Variants in STX2 observed in about 807,000 individuals in gnomAD.
The protein encoded by STX2 is syntaxin 2, also known as syntaxin-2.
In STX2, 27 loss-of-function variants were observed where a neutral mutation model predicts 40.6. The observed-to-expected ratio is 0.66, with a 90% CI of 0.49 to 0.92. The LOEUF (loss-of-function observed/expected upper bound fraction) is 0.92. STX2 is among the 40% of genes least tolerant of loss of function. The probability of loss-of-function intolerance (pLI) is 0.00; values close to 1 mark genes in which losing one functional copy is unlikely to be tolerated. For missense variants in STX2, 328 were observed against 366.1 expected, an observed-to-expected ratio of 0.90 and a Z score of 0.85; for synonymous variants, 123 against 119.1, an observed-to-expected ratio of 1.03 and a Z score of -0.22.
At chr12:130,805,606 C>A (rs1258655740) in intron 6 of STX2, among the ~76,000 whole-genome samples, 2 of 152,154 alleles carry the variant, frequency 1.3e-5, no homozygotes, top group South Asian at 2.1e-4. Flanking sequence ...AGGTTCACGG[C>A]CATCAGAGCA....
At chr12:130,811,687 C>T (rs1350950083) in intron 4 of STX2, among the ~76,000 whole-genome samples, 2 of 151,800 alleles carry the variant, frequency 1.3e-5, no homozygotes, top group South Asian at 2.1e-4. Context: ...CTACAGGCAC[C>T]CGCCACTGCG....
chr12:130,827,617 A>G (rs1029483245), intron 1 of STX2, among the ~76,000 whole-genome samples: 2 of 152,264 alleles, frequency 1.3e-5, no homozygotes, highest in African/African-American at 4.8e-5. Context: ...ATTTTCCATA[A>G]ACAGTAAAAA....
chr12:130,789,617 T>C lies in STX2; in HGVS notation c.*2406A>G, dbSNP rs1430967651. ...AAGAGCAATTTTCCTAGTAGAACAA[T>C]TTATTAATTAATATGCAATAAAATA... On this transcript the variant is annotated 3_prime_UTR_variant, in exon 11 of 11. Transcript: ENST00000392373. 1 of 152,272 alleles carries C rather than the reference T, an allele frequency of 6.6e-6. No homozygotes were observed. Among genetic ancestry groups the C allele is most frequent in the Non-Finnish European group, 1.5e-5 (1 of 68,044 alleles). The allele number at this position is 152,272 out of a possible 1,614,324, so 9.4% of individuals were successfully genotyped here. A position where few individuals can be genotyped will look rare whatever the true frequency, so the allele number is the denominator to read the frequency against.
chr12:130,834,602 GA>G (rs1173805373), intron 1 of STX2, among the ~76,000 whole-genome samples: 2 of 152,162 alleles, frequency 1.3e-5, no homozygotes, highest in East Asian at 3.9e-4. Flanking sequence ...TTAAAAACAA[GA>G]AGTGATTAAT....
intron 1 of STX2, among the ~76,000 whole-genome samples, chr12:130,830,419 C>CA (rs1047474176): frequency 2.0e-4 from 30 of 152,266 alleles, no homozygotes; most frequent in African/African-American, 6.7e-4. Context: ...ATGCACCCCC[C>CA]ACAGTGGCGT....
In STX2 at chr12:130,798,526, C is replaced by T. The variant is rs372636433; in HGVS notation, c.785G>A (p.Arg262Lys). 31 of 1,591,334 alleles carry T rather than the reference C, an allele frequency of 1.9e-5. No individual in the cohort carries two copies. Among genetic ancestry groups the T allele is most frequent in the Middle Eastern group, 3.3e-4 (2 of 5,994 alleles). The part of the protein sequence containing the change: ...KAIKYQSKAR[R>K]KKWIIIAVSV... ...TTAATTCTTCGAAGCCAAACTCACC[C>T]TTCTTGCCTTGCTCTGATATTTGAT... Residue 262 changes from arginine (R) to lysine (K), a missense_variant and splice_region_variant, in exon 9 of 11, where the codon AGG becomes AAG. Physicochemically the swap from Arg to Lys is conservative, Grantham distance 26. Transcript: ENST00000392373.
At chr12:130,800,123 T>G (rs577345870) in intron 8 of STX2, among the ~76,000 whole-genome samples, 13 of 152,122 alleles carry the variant, frequency 8.5e-5, no homozygotes, top group Non-Finnish European at 1.6e-4. Flanking sequence ...AGCTGAATCC[T>G]AACCAGCAAC....
At chr12:130,818,213 TATATAA>T (rs1951960338) in intron 3 of STX2, among the ~76,000 whole-genome samples, 1 of 121,166 alleles carries the variant, frequency 8.3e-6, no homozygotes, top group East Asian at 2.1e-4. Flanking sequence ...TATATATATA[TATATAA>T]AATTATCTGG....
chr12:130,806,989 C>T lies in STX2; in HGVS notation c.456G>A (p.Leu152=). 3 of 1,614,132 alleles carry T rather than the reference C, an allele frequency of 1.9e-6. No homozygotes were observed. Among genetic ancestry groups the T allele is most frequent in the Non-Finnish European group, 2.5e-6 (3 of 1,179,946 alleles). Residue 152 remains leucine, a synonymous_variant, in exon 6 of 11, where the codon CTG becomes CTA. Coordinates refer to ENST00000392373, the MANE Select transcript of STX2 (RefSeq NM_194356.4). ...ERSKGRIQRQ[L]EITGRTTTDD... is the part of the protein sequence containing the mutation. ...GGAGTCTCCATTACTCACTTATCTCCAGCTGGCGCTGGATGCGGCCTTTGC... is the reference window on the plus strand; with the variant it reads ...GGAGTCTCCATTACTCACTTATCTCTAGCTGGCGCTGGATGCGGCCTTTGC...
intron 3 of STX2, among the ~76,000 whole-genome samples, chr12:130,818,167 C>G (rs1213651525): frequency 2.1e-4 from 3 of 14,030 alleles, no homozygotes; most frequent in Non-Finnish European, 3.5e-4. Flanking sequence ...AACGCTGTTT[C>G]TACAAAAAAA....
chr12:130,798,327 A>C (rs1421775320), intron 9 of STX2, 198 bp downstream of exon 9: 7 of 427,910 alleles, frequency 1.6e-5, no homozygotes, highest in Non-Finnish European at 2.8e-5. Context: ...TACTTAGAAC[A>C]CAAAAGATGA....
In STX2 at chr12:130,798,288, G is replaced by A. The variant is rs1593115935; in HGVS notation, c.786+237C>T. On this transcript the variant is annotated intron_variant, in intron 9 of 10. Coordinates refer to ENST00000392373, the MANE Select transcript of STX2 (RefSeq NM_194356.4). ...AAAAAAGTGCTGGGATTACAGGCGT[G>A]CCACCACACCCAGCCCTAGGGTTTC... 5 of 314,298 alleles carry A rather than the reference G, an allele frequency of 1.6e-5. No homozygotes were observed. The East Asian group carries it at 3.0e-4, about 19-fold the overall frequency. The allele number at this position is 314,298 out of a possible 1,614,324, so 19.5% of individuals were successfully genotyped here.
At chr12:130,828,977 C>T (rs947601486) in intron 1 of STX2, among the ~76,000 whole-genome samples, 4 of 152,008 alleles carry the variant, frequency 2.6e-5, no homozygotes, top group African/African-American at 2.4e-5. Flanking sequence ...TCTCCAGGAT[C>T]CCACACCACT....
chr12:130,818,217 T>TATATATATATAA (rs1951961041), intron 3 of STX2, among the ~76,000 whole-genome samples: 5 of 122,702 alleles, frequency 4.1e-5, no homozygotes, highest in Admixed American at 8.1e-5. Context: ...TATATATATA[T>TATATATATATAA]AAAATTATCT....
rs558639518 is a variant in STX2, at chr12:130,810,071, G to C, written c.281-1367C>G. Reference sequence around the variant, plus strand: ...GTAATTTGATTATCTAGCCCAGTGGGATATACCTATAGACAAAAAGAATGA... The same window carrying C: ...GTAATTTGATTATCTAGCCCAGTGGCATATACCTATAGACAAAAAGAATGA... On this transcript the variant is annotated intron_variant, in intron 4 of 10. Transcript: ENST00000392373. Among the ~76,000 whole-genome samples the C allele has an allele frequency of 5.3e-5, 8 of 152,100 alleles. No homozygotes were observed. The South Asian group carries it at 1.7e-3, about 32-fold the overall frequency.
intron 6 of STX2, among the ~76,000 whole-genome samples, chr12:130,802,066 C>G (rs1951248015): frequency 6.6e-6 from 1 of 152,184 alleles, no homozygotes; most frequent in South Asian, 2.1e-4. Flanking sequence ...ATCTAATAAG[C>G]AGCATTATTC....
At chr12:130,836,048 A>G (rs1431128855) in intron 1 of STX2, among the ~76,000 whole-genome samples, 1 of 148,302 alleles carries the variant, frequency 6.7e-6, no homozygotes, top group South Asian at 2.1e-4. Context: ...CAAAATATTC[A>G]ACTTTACCTA....
At chr12:130,818,188 ATATATATATATATATAT>A (rs1951956094) in intron 3 of STX2, among the ~76,000 whole-genome samples, 4 of 66,260 alleles carry the variant, frequency 6.0e-5, no homozygotes, top group East Asian at 2.8e-4. Context: ...AAAAAAAAAT[ATATATATATATATATAT>A]ATATATATAT....
At position 130,798,593 on chromosome 12, in the gene STX2, T is replaced by C; in HGVS notation, c.718A>G (p.Thr240Ala). 1 of 1,606,558 alleles carries C rather than the reference T, an allele frequency of 6.2e-7. No individual in the cohort carries two copies. Among genetic ancestry groups the C allele is most frequent in the Non-Finnish European group, 8.5e-7 (1 of 1,177,868 alleles). ...TCTTTAGCGTGTTCTACATAGTCTG[T>C]GGCATTCATAACATTTCTTTCTATG... Reference protein sequence around the residue: ...NNIERNVMNATDYVEHAKEET... With the variant: ...NNIERNVMNAADYVEHAKEET... The change falls in exon 9 of 11, where the codon ACA (threonine) becomes GCA (alanine). Residue 240 changes from threonine to alanine, a missense_variant. Coordinates refer to ENST00000392373, the MANE Select transcript of STX2 (RefSeq NM_194356.4).
Sources: allele counts gnomAD v4.1 joint callset (sites outside exome capture counted in the v4.1 genomes callset), GRCh38; gene constraint gnomAD v4.1.1; transcripts MANE v1.5; gene names NCBI Gene and HGNC (gene_info 2026-07-23, HGNC 2026-07-21).